The following CASZ1 variants were observed in gnomAD, a reference collection of about 807,000 sequenced individuals.
CASZ1 encodes zinc finger protein castor homolog 1.
CASZ1 carries 28 observed loss-of-function variants against 135.2 expected under a neutral mutation model. That is an observed-to-expected ratio of 0.21 (90% CI 0.15 to 0.28). The LOEUF is 0.28. Ranked by LOEUF, CASZ1 falls within the 10% of genes least tolerant of loss-of-function variation. CASZ1 has a pLI of 1.00. For synonymous variants in CASZ1, 1,068 were observed against 1,073.4 expected (o/e 0.99, Z 0.10); for missense variants, 2,161 against 2,453.3 (o/e 0.88, Z 2.52).
At chr1:10,650,847 G>GAGC in intron 12 of CASZ1, 92 bp from the exon 13 acceptor site, 1 of 1,601,684 alleles carries the variant, frequency 6.2e-7, no homozygotes, top group Non-Finnish European at 8.5e-7. Context: ...GGCTCCAGCC[G>GAGC]AGCCCGCTGC....
intron 4 of CASZ1, among the ~76,000 whole-genome samples, chr1:10,668,575 C>A (rs909292709): frequency 4.6e-5 from 7 of 152,232 alleles, no homozygotes; most frequent in African/African-American, 1.7e-4. Flanking sequence ...GCCTGGGACC[C>A]ACACACAGTC....
Position 10,653,966 on chromosome 1 carries a change from G to T in CASZ1, c.2091C>A (p.Ile697=). The change falls in exon 11 of 21, where the codon ATC becomes ATA. Residue 697 remains isoleucine (I), a synonymous_variant. Transcript: ENST00000377022. ...SHKRKHERRH[I]RSSGALGLPP... ...GCAGCCCCAGCGCGCCCGAGGAGCG[G>T]ATGTGCCGGCGCTCATGCTTGCGCT... 6.2e-7 allele frequency: 1 copy of T among 1,613,928 alleles called. No homozygotes were observed.
rs1338409954 is a variant in CASZ1 at position 10,788,511 on chromosome 1, T to C, written c.-234+8053A>G. Among the ~76,000 whole-genome samples the C allele has an allele frequency of 6.6e-6, 1 of 151,456 alleles. No individual in the cohort carries two copies. Among genetic ancestry groups the C allele is most frequent in the East Asian group, 1.9e-4 (1 of 5,136 alleles). ...ATAAGCAACATTTATGCTTACGAGA[T>C]TTTTTTTATTAAGAGGATTCTCAAA... On this transcript the variant is annotated intron_variant, in intron 1 of 20. Transcript: ENST00000377022. The surrounding 1 kb of genome is among the most constrained non-coding windows in gnomAD (Gnocchi z 4.1).
At chr1:10,733,020 G>A (rs1383958343) in intron 2 of CASZ1, among the ~76,000 whole-genome samples, 4 of 152,176 alleles carry the variant, frequency 2.6e-5, no homozygotes, top group Non-Finnish European at 5.9e-5. Flanking sequence ...GCCTGGGAAA[G>A]CCCATGGTCC....
Position 10,708,969 on chromosome 1 carries a change from GGA to G in CASZ1, c.-76-3427_-76-3426del, listed in dbSNP as rs1372898760. 6.9e-3 allele frequency among the ~76,000 whole-genome samples: 705 copies of G among 102,378 alleles called. 24 individuals carry two copies. Among genetic ancestry groups the G allele is most frequent in the African/African-American group, 0.042 (648 of 15,348 alleles). 67.2% of individuals were successfully genotyped at this position (102,378 alleles called of 152,430 possible). On this transcript the variant is annotated intron_variant, in intron 2 of 20. Coordinates refer to ENST00000377022, the MANE Select transcript of CASZ1 (RefSeq NM_001079843.3). ...GAAGGAAGCAAGGGATGGAGGACGGGGAGGGGGGGGGCCATGGGTGAGGGAGG... is the reference window on the plus strand; with the variant it reads ...GAAGGAAGCAAGGGATGGAGGACGGGGGGGGGGGGCCATGGGTGAGGGAGG...
intron 12 of CASZ1, 33 bp downstream of exon 12, chr1:10,650,908 C>T (rs368781323): frequency 3.2e-5 from 51 of 1,606,962 alleles, no homozygotes; most frequent in African/African-American, 9.4e-5. Flanking sequence ...GTGTGGTTCC[C>T]GGGGCTGGCT....
rs1214346096 is a variant in CASZ1 at position 10,788,519 on chromosome 1, A to G, written c.-234+8045T>C. Among the ~76,000 whole-genome samples the G allele has an allele frequency of 7.9e-5, 12 of 152,158 alleles. 1 individual carries two copies. Among genetic ancestry groups the G allele is most frequent in the African/African-American group, 1.4e-4 (6 of 41,446 alleles). ...CATTTATGCTTACGAGATTTTTTTTATTAAGAGGATTCTCAAAGGGGGCAC... is the reference window on the plus strand; with the variant it reads ...CATTTATGCTTACGAGATTTTTTTTGTTAAGAGGATTCTCAAAGGGGGCAC... On this transcript the variant is annotated intron_variant, in intron 1 of 20. Coordinates refer to ENST00000377022, the MANE Select transcript of CASZ1 (RefSeq NM_001079843.3). This position sits in a 1 kb window ranked among gnomAD's most constrained non-coding sequence, Gnocchi z 4.1.
At position 10,759,315 on chromosome 1, in the gene CASZ1, C is replaced by T. The variant is rs1332744359; in HGVS notation, c.-77+1386G>A. Among the ~76,000 whole-genome samples the T allele has an allele frequency of 2.0e-5, 3 of 152,130 alleles. No homozygotes were observed. Among genetic ancestry groups the T allele is most frequent in the Admixed American group, 2.0e-4 (3 of 15,272 alleles). ...AAGGTGGCAGAGGTGCAGGTGCTAA[C>T]GCCAAGCCCAGAAGACTTCAGCGCC... On this transcript the variant is annotated intron_variant, in intron 2 of 20. Coordinates refer to ENST00000377022, the MANE Select transcript of CASZ1 (RefSeq NM_001079843.3). This position sits in a 1 kb window ranked among gnomAD's most constrained non-coding sequence, Gnocchi z 4.2.
At chr1:10,664,668 A>G (rs1643167928) in intron 5 of CASZ1, among the ~76,000 whole-genome samples, 3 of 151,968 alleles carry the variant, frequency 2.0e-5, no homozygotes, top group South Asian at 4.2e-4. Flanking sequence ...TCACAGGCTC[A>G]TGCCGTTGAC....
rs750085734 is a variant in CASZ1 at position 10,653,678 on chromosome 1, C to G, written c.2379G>C (p.Ser793=). The change falls in exon 11 of 21, where the codon TCG becomes TCC. Residue 793 remains serine (S), a synonymous_variant. Transcript: ENST00000377022. ...AGTAGGGCGTGGGGGTGGGCAGGCCCGAGTTGGAGAGGGCCAGGGCCAGGG... is the reference window on the plus strand; with the variant it reads ...AGTAGGGCGTGGGGGTGGGCAGGCCGGAGTTGGAGAGGGCCAGGGCCAGGG... ...SIPLALALSN[S]GLPTPTPYFP... 3.2e-6 allele frequency: 5 copies of G among 1,561,532 alleles called. No homozygotes were observed. Among genetic ancestry groups the G allele is most frequent in the South Asian group, 2.4e-5 (2 of 82,830 alleles).
rs200065023 is a variant in CASZ1, at chr1:10,777,280, G to A, written c.-233-16423C>T. 2.4e-4 allele frequency among the ~76,000 whole-genome samples: 37 copies of A among 152,278 alleles called. No homozygotes were observed. Among genetic ancestry groups the A allele is most frequent in the Admixed American group, 3.9e-4 (6 of 15,298 alleles). ...TGTTCCTGAGGACAGGACAAGGACC[G>A]CAGGGTTGGGACCCCTATGAGGACC... On this transcript the variant is annotated intron_variant, in intron 1 of 20. Transcript: ENST00000377022. This position sits in a 1 kb window ranked among gnomAD's most constrained non-coding sequence, Gnocchi z 4.4.
At chr1:10,737,574 T>C (rs1277938542) in intron 2 of CASZ1, among the ~76,000 whole-genome samples, 1 of 152,222 alleles carries the variant, frequency 6.6e-6, no homozygotes, top group African/African-American at 2.4e-5. Context: ...CCCTGAGATA[T>C]CTGGGGGACC....
intron 1 of CASZ1, among the ~76,000 whole-genome samples, chr1:10,761,358 A>T (rs548562226): frequency 6.6e-6 from 1 of 152,308 alleles, no homozygotes; most frequent in East Asian, 1.9e-4. Context: ...GCCTTCTGGG[A>T]GCCTCTATAA....
chr1:10,709,268 T>C lies in CASZ1; in HGVS notation c.-76-3724A>G, dbSNP rs1639236354. Among the ~76,000 whole-genome samples, 1 of 152,104 alleles carries C rather than the reference T, an allele frequency of 6.6e-6. No individual in the cohort carries two copies. Among genetic ancestry groups the C allele is most frequent in the African/African-American group, 2.4e-5 (1 of 41,430 alleles). ...CTCGGGGCAGCTGTCGGGCTGCCCA[T>C]CCGCCCCCGCACTCCACTGCGTCTC... On this transcript the variant is annotated intron_variant, in intron 2 of 20. Transcript: ENST00000377022. This position sits in a 1 kb window ranked among gnomAD's most constrained non-coding sequence, Gnocchi z 5.1.
At position 10,637,879 on chromosome 1, in the gene CASZ1, A is replaced by G. The variant is rs1463563575; in HGVS notation, c.*1063T>C. 1 of 152,388 alleles carries G rather than the reference A, an allele frequency of 6.6e-6. No homozygotes were observed. Among genetic ancestry groups the G allele is most frequent in the Non-Finnish European group, 1.5e-5 (1 of 68,030 alleles). The allele number at this position is 152,388 out of a possible 1,614,324, so 9.4% of individuals were successfully genotyped here. On this transcript the variant is annotated 3_prime_UTR_variant, in exon 21 of 21. Coordinates refer to ENST00000377022, the MANE Select transcript of CASZ1 (RefSeq NM_001079843.3). The stretch of plus-strand genomic sequence containing the variant: ...TCACCAAGAGAGAACTCAAATGTTA[A>G]ATTAACTACAAACTTGGATCAACAG...
At position 10,650,812 on chromosome 1, in the gene CASZ1, G is replaced by A. The variant is rs1436883910; in HGVS notation, c.2817-57C>T. ...AGACGGCCGGGGCCTGGGCCCTGGG[G>A]CTCACCTTCCCTGCCCGACCCTGGG... is the stretch of plus-strand genomic sequence containing the variant. On this transcript the variant is annotated intron_variant, in intron 12 of 20. Coordinates refer to ENST00000377022, the MANE Select transcript of CASZ1 (RefSeq NM_001079843.3). 7.5e-6 allele frequency: 12 copies of A among 1,600,672 alleles called. No individual in the cohort carries two copies. The Admixed American group carries it at 8.3e-5, about 11-fold the overall frequency.
chr1:10,674,466 A>T (rs543230223), intron 4 of CASZ1, among the ~76,000 whole-genome samples: 1 of 152,350 alleles, frequency 6.6e-6, no homozygotes, highest in East Asian at 1.9e-4. Flanking sequence ...ACCGTGGGGC[A>T]CCTGGGCTTT....
At chr1:10,664,334 C>A (rs139019676) in intron 5 of CASZ1, among the ~76,000 whole-genome samples, 1 of 151,984 alleles carries the variant, frequency 6.6e-6, no homozygotes, top group African/African-American at 2.4e-5. Context: ...CCTGCTGGAA[C>A]CCCCGGCCCA....
chr1:10,758,710 C>T (rs1640306538), intron 2 of CASZ1, among the ~76,000 whole-genome samples: 1 of 152,198 alleles, frequency 6.6e-6, no homozygotes. Flanking sequence ...CTGAGCCAGA[C>T]AGGGTCAGGC....
Sources: gnomAD v4.1 joint callset for allele counts (sites outside exome capture counted in the v4.1 genomes callset) on GRCh38, gnomAD v4.1.1 for gene constraint, Gnocchi (gnomAD v3.1) non-coding constraint, MANE v1.5 for transcripts, NCBI Gene and HGNC (gene_info 2026-07-23, HGNC 2026-07-21) for gene names.